The following MBD1 variants were observed in gnomAD, a reference collection of about 807,000 sequenced individuals.
MBD1 encodes methyl-CpG-binding domain protein 1.
In MBD1, 25 loss-of-function variants were observed where a neutral mutation model predicts 82.6. The ratio of observed to expected loss-of-function variants is 0.30; its 90% CI spans 0.22 to 0.42. The LOEUF is 0.42. MBD1 is among the 10% of genes least tolerant of loss of function. The pLI is 1.00. For synonymous variants in MBD1, 301 were observed against 303.7 expected (o/e 0.99, Z 0.09); for missense variants, 627 against 819.6 (o/e 0.76, Z 2.87).
intron 16 of MBD1, 184 bp downstream of exon 16, chr18:50,271,283 ACT>A (rs1238654126): frequency 6.8e-7 from 1 of 1,462,810 alleles, no homozygotes; most frequent in African/African-American, 1.4e-5. Flanking sequence ...CCAACTTTCT[ACT>A]CTTTCTCTTC....
chr18:50,281,532 A>T (rs1255643353), upstream of MBD1: 3 of 576,034 alleles, frequency 5.2e-6, no homozygotes, highest in Admixed American at 9.5e-5. Flanking sequence ...CCGGAACCGG[A>T]AGTCCGCTGC....
intron 1 of MBD1, 78 bp downstream of exon 1, chr18:50,281,285 C>G (rs2040187452): frequency 1.4e-6 from 2 of 1,445,898 alleles, no homozygotes; most frequent in South Asian, 1.2e-5. Context: ...TCATTCCTCC[C>G]CGTCAGCGTT....
In MBD1 at chr18:50,275,639, G is replaced by A. The variant is rs765248488; in HGVS notation, c.753C>T (p.Leu251=). The A allele has an allele frequency of 1.2e-6, 2 of 1,614,122 alleles. No individual in the cohort carries two copies. Among genetic ancestry groups the A allele is most frequent in the Non-Finnish European group, 1.7e-6 (2 of 1,180,050 alleles). Residue 251 remains leucine (L), a synonymous_variant, in exon 8 of 17, where the codon CTC becomes CTT. Transcript: ENST00000269468. ...PICLRPPRPG[L]RRQWKCVQRR... is the part of the protein sequence containing the mutation. Reference sequence around the variant, plus strand: ...GCTGGACACATTTCCACTGGCGCCTGAGACCAGGGCGGGGAGGGCGAAGGC... The same window carrying A: ...GCTGGACACATTTCCACTGGCGCCTAAGACCAGGGCGGGGAGGGCGAAGGC...
chr18:50,269,069 G>T lies in MBD1; in HGVS notation c.*782C>A. 1 of 987,784 alleles carries T rather than the reference G, an allele frequency of 1.0e-6. No homozygotes were observed. Among genetic ancestry groups the T allele is most frequent in the East Asian group, 1.1e-4 (1 of 8,902 alleles). The allele number at this position is 987,784 out of a possible 1,614,324, so 61.2% of individuals were successfully genotyped here. A position where few individuals can be genotyped will look rare whatever the true frequency, so the allele number is the denominator to read the frequency against. ...TTGATGCATTTAATAAAATTGCATGGGCCGTATCTTTTGCATTTCTGTATC... is the reference window on the plus strand; with the variant it reads ...TTGATGCATTTAATAAAATTGCATGTGCCGTATCTTTTGCATTTCTGTATC... On this transcript the variant is annotated 3_prime_UTR_variant, in exon 17 of 17. Coordinates refer to ENST00000269468, the MANE Select transcript of MBD1 (RefSeq NM_015846.4).
chr18:50,273,092 A>G (rs768361805), intron 13 of MBD1, 137 bp from the exon 14 acceptor site: 2 of 1,305,456 alleles, frequency 1.5e-6, no homozygotes, highest in Non-Finnish European at 1.1e-6. Flanking sequence ...CTCTCTGCCT[A>G]CAAAGCTTTC....
rs113359870 is a variant in MBD1, at chr18:50,276,843, G to A, written c.381C>T (p.Phe127=). The change falls in exon 4 of 17, where the codon TTC becomes TTT. Residue 127 remains phenylalanine, a synonymous_variant. Transcript: ENST00000269468. ...KADTDTAPAS[F]PAPGCCENCG... The stretch of plus-strand genomic sequence containing the variant: ...AGACCAACACTCACCCAGGAGCAGG[G>A]AATGAAGCTGGGGCTGTGTCAGTGT... 2.0e-5 allele frequency: 32 copies of A among 1,614,222 alleles called. No homozygotes were observed. The highest frequency in any genetic ancestry group is 2.7e-5 in the Non-Finnish European group (32 of 1,180,034).
chr18:50,270,538 G>A (rs573594936), intron 16 of MBD1: 27 of 346,970 alleles, frequency 7.8e-5, no homozygotes, highest in South Asian at 5.6e-4. Context: ...AGCCAGGCTG[G>A]CAGCTTTAGT....
rs1050536945 is a variant in MBD1, at chr18:50,276,296, T to A, written c.516+82A>T. ...AATGACTCTTCATCCTGTGGACCCA[T>A]CATCATCCCTTCAGACTCTACCAGC... On this transcript the variant is annotated intron_variant, in intron 6 of 16. Transcript: ENST00000269468. The A allele has an allele frequency of 6.4e-6, 9 of 1,408,046 alleles. No homozygotes were observed. The African/African-American group carries it at 9.9e-5, about 15-fold the overall frequency. The allele number at this position is 1,408,046 out of a possible 1,614,324, so 87.2% of individuals were successfully genotyped here.
chr18:50,275,396 T>C (rs748520271), intron 8 of MBD1, 151 bp from the exon 9 acceptor site: 4 of 1,607,228 alleles, frequency 2.5e-6, no homozygotes, highest in Non-Finnish European at 3.4e-6. Flanking sequence ...GCCAGGGGAG[T>C]GCGTCGCTGA....
intron 16 of MBD1, 61 bp downstream of exon 16, chr18:50,271,408 C>G (rs2035466469): frequency 4.3e-6 from 7 of 1,612,984 alleles, no homozygotes; most frequent in Non-Finnish European, 5.1e-6. Context: ...GGCAACCAAT[C>G]TAGGGTCCAG....
At chr18:50,267,651 A>C, downstream of MBD1, 1 of 1,536,102 alleles carries the variant, frequency 6.5e-7, no homozygotes, top group Non-Finnish European at 8.7e-7. Context: ...AGTCAAGAGC[A>C]AGGTGGTAAT....
At chr18:50,276,581 C>T (rs2148030571) in intron 5 of MBD1, 81 bp downstream of exon 5, 1 of 1,531,996 alleles carries the variant, frequency 6.5e-7, no homozygotes, top group Non-Finnish European at 9.0e-7. Context: ...CTGACATCCA[C>T]ATTCAAACCC....
rs571999772 is a variant in MBD1, at chr18:50,273,554, G to A, written c.1446+10C>T. 8.9e-5 allele frequency: 143 copies of A among 1,612,816 alleles called. No homozygotes were observed. The highest frequency in any genetic ancestry group is 1.1e-4 in the Non-Finnish European group (135 of 1,180,034). ...GAGGCTGGGAAGGCAGGACAGGGTGGGGCCCTCACCTGCAACAGGGCTTCT... is the reference window on the plus strand; with the variant it reads ...GAGGCTGGGAAGGCAGGACAGGGTGAGGCCCTCACCTGCAACAGGGCTTCT... On this transcript the variant is annotated intron_variant, in intron 12 of 16. Transcript: ENST00000269468.
intron 1 of MBD1, chr18:50,281,118 TCCA>T (rs2040088700): frequency 6.6e-7 from 1 of 1,521,668 alleles, no homozygotes; most frequent in African/African-American, 1.4e-5. Context: ...CGTTCTGATC[TCCA>T]CCATTCCTCT....
chr18:50,278,684 A>C (rs1046879249), intron 2 of MBD1, among the ~76,000 whole-genome samples: 3 of 152,232 alleles, frequency 2.0e-5, no homozygotes, highest in African/African-American at 7.2e-5. Flanking sequence ...GCTTATAAAC[A>C]TCTATGTTGA....
At chr18:50,278,875 C>T (rs1470600752) in intron 2 of MBD1, among the ~76,000 whole-genome samples, 1 of 152,264 alleles carries the variant, frequency 6.6e-6, no homozygotes, top group East Asian at 1.9e-4. Context: ...TGATTATTTG[C>T]ATGGTCTTTG....
intron 6 of MBD1, 169 bp downstream of exon 6, chr18:50,276,209 G>A: frequency 1.2e-6 from 1 of 836,006 alleles, no homozygotes; most frequent in Non-Finnish European, 2.0e-6. Flanking sequence ...ATGGTAATGG[G>A]GATTAATTAC....
At chr18:50,279,129 A>G (rs1485111117) in intron 2 of MBD1, among the ~76,000 whole-genome samples, 1 of 152,240 alleles carries the variant, frequency 6.6e-6, no homozygotes, top group African/African-American at 2.4e-5. Flanking sequence ...CAAGTCAGCC[A>G]GCACTAGCTG....
chr18:50,278,848 A>T (rs1185015929), intron 2 of MBD1, among the ~76,000 whole-genome samples: 6 of 152,152 alleles, frequency 3.9e-5, no homozygotes, highest in Non-Finnish European at 8.8e-5. Flanking sequence ...TACTTAATAC[A>T]TATTTTTTTT....
Sources: allele counts gnomAD v4.1 joint callset (sites outside exome capture counted in the v4.1 genomes callset), GRCh38; gene constraint gnomAD v4.1.1; transcripts MANE v1.5; gene names NCBI Gene and HGNC (gene_info 2026-07-23, HGNC 2026-07-21).